The following PRKN variants were observed in gnomAD, a reference collection of about 807,000 sequenced individuals.
The protein encoded by PRKN is E3 ubiquitin-protein ligase parkin.
PRKN carries 56 observed loss-of-function variants against 59.5 expected under a neutral mutation model. The ratio of observed to expected loss-of-function variants is 0.94; its 90% confidence interval spans 0.76 to 1.18. The LOEUF (loss-of-function observed/expected upper bound fraction) is 1.18. Among genes scored for constraint, PRKN ranks in the 50% most tolerant of loss-of-function variants. PRKN has a pLI of 0.00. For synonymous variants in PRKN, 250 were observed against 222.1 expected (o/e 1.13, Z -1.12); for missense variants, 657 against 596.4 (o/e 1.10, Z -1.06).
chr6:162,153,717 T>C (rs1782375582), intron 4 of PRKN, among the ~76,000 whole-genome samples: 1 of 152,110 alleles, frequency 6.6e-6, no homozygotes, highest in African/African-American at 2.4e-5. Context: ...GGAAGGTCAC[T>C]GTCCCCCGAA....
intron 1 of PRKN, among the ~76,000 whole-genome samples, chr6:162,481,249 A>G (rs79405915): frequency 0.15 from 23,243 of 152,204 alleles, 1,965 homozygotes; most frequent in Non-Finnish European, 0.17. Context: ...CAGATTTATA[A>G]TAGCAAACAG....
In PRKN at chr6:161,980,300, A is replaced by G. The variant is rs551600239; in HGVS notation, c.619-6883T>C. Among the ~76,000 whole-genome samples the G allele has an allele frequency of 5.9e-5, 9 of 152,264 alleles. 1 individual carries two copies. In the South Asian group the frequency reaches 1.0e-3, roughly 18 times the overall value. On this transcript the variant is annotated intron_variant, in intron 5 of 11. Coordinates refer to ENST00000366898, the MANE Select transcript of PRKN (RefSeq NM_004562.3). ...AAATCCTTCTTAGTTAATATTTCCCAAAAGAAAAAAAAACTATCCTTCTCT... is the reference window on the plus strand; with the variant it reads ...AAATCCTTCTTAGTTAATATTTCCCGAAAGAAAAAAAAACTATCCTTCTCT...
chr6:162,054,032 A>T (rs2128285489), intron 5 of PRKN, 59 bp downstream of exon 5: 1 of 1,094,686 alleles, frequency 9.1e-7, no homozygotes, highest in Non-Finnish European at 1.4e-6. Flanking sequence ...TTCCTGGCAA[A>T]CAGTGAAGAT....
At position 161,504,749 on chromosome 6, in the gene PRKN, C is replaced by T. The variant is rs1230555015; in HGVS notation, c.1083+44105G>A. On this transcript the variant is annotated intron_variant, in intron 9 of 11. Coordinates refer to ENST00000366898, the MANE Select transcript of PRKN (RefSeq NM_004562.3). ...TCCATGTGTTCCCATTGTTCAATTC[C>T]CACCTATGAGTGAGAATATGCGGTG... Among the ~76,000 whole-genome samples the T allele has an allele frequency of 6.1e-5, 9 of 148,064 alleles. No individual in the cohort carries two copies. In the East Asian group the frequency reaches 1.8e-3, roughly 30 times the overall value.
At chr6:161,431,676 G>T (rs952201737) in intron 9 of PRKN, among the ~76,000 whole-genome samples, 1 of 151,224 alleles carries the variant, frequency 6.6e-6, no homozygotes, top group Non-Finnish European at 1.5e-5. Context: ...GCAATGGCGC[G>T]ATCTTGGCTC....
chr6:162,239,089 TTAAATG>T (rs1455076976), intron 3 of PRKN, among the ~76,000 whole-genome samples: 3 of 152,216 alleles, frequency 2.0e-5, no homozygotes, highest in African/African-American at 7.2e-5. Context: ...AGGGAAATGC[TTAAATG>T]TAATATTTTA....
At chr6:162,095,903 G>A (rs936080219) in intron 4 of PRKN, among the ~76,000 whole-genome samples, 4 of 152,072 alleles carry the variant, frequency 2.6e-5, no homozygotes, top group Admixed American at 2.0e-4. Context: ...GAGTGTCATC[G>A]AGAGGATAAA....
At chr6:162,565,520 T>C (rs974631849) in intron 1 of PRKN, among the ~76,000 whole-genome samples, 1 of 151,992 alleles carries the variant, frequency 6.6e-6, no homozygotes, top group Admixed American at 6.6e-5. Context: ...TGAAACCCTA[T>C]CTCTACTAAA....
At chr6:161,975,302 C>T (rs112532272) in intron 5 of PRKN, among the ~76,000 whole-genome samples, 13,798 of 151,872 alleles carry the variant, frequency 0.091, 746 homozygotes, top group African/African-American at 0.14. Flanking sequence ...CAGGATGGTC[C>T]TGATCTCCTG....
At chr6:162,612,333 G>A (rs1782222593) in intron 1 of PRKN, among the ~76,000 whole-genome samples, 1 of 151,940 alleles carries the variant, frequency 6.6e-6, no homozygotes, top group Non-Finnish European at 1.5e-5. Context: ...ATCTAGTCAG[G>A]GCTGTCCTAG....
intron 4 of PRKN, among the ~76,000 whole-genome samples, chr6:162,174,448 G>T (rs1783441173): frequency 6.6e-6 from 1 of 152,142 alleles, no homozygotes; most frequent in East Asian, 1.9e-4. Context: ...AGAACCAAAG[G>T]AATTTGTATT....
chr6:162,248,114 T>A (rs1465165357), intron 3 of PRKN, among the ~76,000 whole-genome samples: 1 of 151,996 alleles, frequency 6.6e-6, no homozygotes, highest in African/African-American at 2.4e-5. Context: ...CTTAATCACC[T>A]CCCCACTACA....
intron 7 of PRKN, among the ~76,000 whole-genome samples, chr6:161,719,245 TA>T (rs1041860696): frequency 3.3e-5 from 5 of 151,924 alleles, no homozygotes. Context: ...TAAGTATTTT[TA>T]AGTATTTCTC....
intron 6 of PRKN, among the ~76,000 whole-genome samples, chr6:161,933,346 T>G (rs1411627840): frequency 6.6e-6 from 1 of 152,190 alleles, no homozygotes; most frequent in Non-Finnish European, 1.5e-5. Flanking sequence ...GAAATAACAA[T>G]GTTGACTCCA....
At chr6:162,316,702 A>G (rs1186203781) in intron 2 of PRKN, among the ~76,000 whole-genome samples, 1 of 152,096 alleles carries the variant, frequency 6.6e-6, no homozygotes, top group Non-Finnish European at 1.5e-5. Context: ...ACACATGAGC[A>G]CTATTAAGCG....
chr6:161,940,522 T>TA (rs919285765), intron 6 of PRKN, among the ~76,000 whole-genome samples: 8 of 152,154 alleles, frequency 5.3e-5, no homozygotes, highest in African/African-American at 1.7e-4. Context: ...TGCATTTATT[T>TA]AAAAAACACT....
chr6:161,906,191 T>C (rs1778138446), intron 6 of PRKN, among the ~76,000 whole-genome samples: 1 of 152,176 alleles, frequency 6.6e-6, no homozygotes, highest in African/African-American at 2.4e-5. Flanking sequence ...TGAGTTTCCT[T>C]GTCCTTTACT....
chr6:161,910,405 C>T (rs1562384328), intron 6 of PRKN, among the ~76,000 whole-genome samples: 1 of 152,102 alleles, frequency 6.6e-6, no homozygotes, highest in Non-Finnish European at 1.5e-5. Context: ...CAGGCACCTG[C>T]TACCACACCC....
intron 5 of PRKN, among the ~76,000 whole-genome samples, chr6:162,021,743 T>A (rs963182539): frequency 6.6e-6 from 1 of 152,262 alleles, no homozygotes; most frequent in Admixed American, 6.5e-5. Flanking sequence ...GTTTTGTACA[T>A]GGGTATATCG....
Sources: gnomAD v4.1 joint callset for allele counts (sites outside exome capture counted in the v4.1 genomes callset) on GRCh38, gnomAD v4.1.1 for gene constraint, MANE v1.5 for transcripts, NCBI Gene and HGNC (gene_info 2026-07-23, HGNC 2026-07-21) for gene names.